The following PLCL2 variants were observed in gnomAD, a reference collection of about 807,000 sequenced individuals.
The protein encoded by PLCL2 is inactive phospholipase C-like protein 2.
PLCL2 carries 4 observed loss-of-function variants against 79.6 expected under a neutral mutation model. The ratio of observed to expected loss-of-function variants is 0.05; its 90% CI spans 0.02 to 0.11. The LOEUF (loss-of-function observed/expected upper bound fraction) is 0.11. Ranked by LOEUF, PLCL2 falls within the 10% of genes least tolerant of loss-of-function variation. The pLI is 1.00. For missense variants in PLCL2, 895 were observed against 1,291.0 expected (o/e 0.69, Z 4.70); for synonymous variants, 484 against 457.7 (o/e 1.06, Z -0.73).
chr3:16,908,882 A>G (rs528828164), intron 1 of PLCL2, among the ~76,000 whole-genome samples: 1 of 152,340 alleles, frequency 6.6e-6, no homozygotes, highest in Admixed American at 6.5e-5. Context: ...ATCAACATAC[A>G]TTTATTTTCT....
chr3:16,916,214 T>C (rs1443209285), intron 1 of PLCL2, among the ~76,000 whole-genome samples: 1 of 152,206 alleles, frequency 6.6e-6, no homozygotes, highest in African/African-American at 2.4e-5. Flanking sequence ...ATGTGAAATA[T>C]AAGACTATTC....
chr3:16,987,781 T>C (rs77889456), intron 1 of PLCL2, among the ~76,000 whole-genome samples: 6,425 of 152,308 alleles, frequency 0.042, 214 homozygotes, highest in Middle Eastern at 0.085. Flanking sequence ...TCTCAAAGTT[T>C]AAATGTTTGA....
chr3:17,010,194 A>G lies in PLCL2; in HGVS notation c.848A>G (p.Asn283Ser). ...SQMFSEIDVD[N>S]LGHITLCNAV... ...ATGTTTAGTGAAATTGATGTAGATA[A>G]CCTTGGACATATAACTCTGTGTAAT... The change falls in exon 2 of 6, where the codon AAC becomes AGC. Residue 283 changes from asparagine (N) to serine (S), a missense_variant. Transcript: ENST00000615277. The surrounding 1 kb of genome is among the most constrained non-coding windows in gnomAD (Gnocchi z 5.8). The G allele has an allele frequency of 6.2e-7, 1 of 1,614,082 alleles. No homozygotes were observed. The highest frequency in any genetic ancestry group is 1.7e-5 in the Admixed American group (1 of 60,018).
At chr3:16,932,661 T>C (rs1375557154) in intron 1 of PLCL2, among the ~76,000 whole-genome samples, 2 of 152,222 alleles carry the variant, frequency 1.3e-5, no homozygotes, top group East Asian at 1.9e-4. Context: ...TGCTGGTAGA[T>C]AATGCACGGT....
At position 17,081,402 on chromosome 3, in the gene PLCL2, G is replaced by T. The variant is rs765338327; in HGVS notation, c.3205-8331G>T. On this transcript the variant is annotated intron_variant, in intron 5 of 5. Coordinates refer to ENST00000615277, the MANE Select transcript of PLCL2 (RefSeq NM_001144382.2). ...GAGGGCAGGGGAAGTCTTAGCTGCC[G>T]CACTGGATCCCTCACCTCAGAAGTA... is the stretch of plus-strand genomic sequence containing the variant. The T allele has an allele frequency of 8.5e-6, 3 of 352,612 alleles. No homozygotes were observed. In the Admixed American group the frequency reaches 1.1e-4, roughly 13 times the overall value. The allele number at this position is 352,612 out of a possible 1,614,324, so 21.8% of individuals were successfully genotyped here. A position where few individuals can be genotyped will look rare whatever the true frequency, so the allele number is the denominator to read the frequency against.
chr3:16,991,229 C>T (rs1313415226), intron 1 of PLCL2, among the ~76,000 whole-genome samples: 1 of 152,154 alleles, frequency 6.6e-6, no homozygotes, highest in African/African-American at 2.4e-5. Context: ...AACTGACCTG[C>T]CTGGGTACTA....
Position 17,014,893 on chromosome 3 carries a change from C to T in PLCL2, c.3000C>T (p.Ile1000=), listed in dbSNP as rs745916433. ...QGIVPEVLKK[I]VTTYDMMIQS... is the part of the protein sequence containing the mutation. The stretch of plus-strand genomic sequence containing the variant: ...TTGTGCCGGAGGTTCTGAAGAAGAT[C>T]GTAACAACTTATGACATGGTGAGTT... The change falls in exon 3 of 6, where the codon ATC becomes ATT. Residue 1000 remains isoleucine, a synonymous_variant. Coordinates refer to ENST00000615277, the MANE Select transcript of PLCL2 (RefSeq NM_001144382.2). 11 of 1,613,640 alleles carry T rather than the reference C, an allele frequency of 6.8e-6. No individual in the cohort carries two copies. Among genetic ancestry groups the T allele is most frequent in the African/African-American group, 1.3e-5 (1 of 74,890 alleles).
chr3:16,944,844 C>T (rs1488360731), intron 1 of PLCL2, among the ~76,000 whole-genome samples: 1 of 151,802 alleles, frequency 6.6e-6, no homozygotes, highest in Non-Finnish European at 1.5e-5. Context: ...ACTGGAACCT[C>T]CACCTCCTGG....
intron 1 of PLCL2, among the ~76,000 whole-genome samples, chr3:16,954,214 G>A (rs1342860607): frequency 6.6e-6 from 1 of 151,952 alleles, no homozygotes; most frequent in Non-Finnish European, 1.5e-5. Context: ...GTGTGATGTT[G>A]CCCTTCCTGT....
intron 1 of PLCL2, among the ~76,000 whole-genome samples, chr3:16,998,803 G>A (rs59161764): frequency 0.017 from 2,559 of 152,268 alleles, 84 homozygotes; most frequent in African/African-American, 0.058. Flanking sequence ...AGATACCCTT[G>A]TTTTAAAGGC....
At chr3:16,963,585 T>A (rs955534337) in intron 1 of PLCL2, among the ~76,000 whole-genome samples, 4 of 152,208 alleles carry the variant, frequency 2.6e-5, no homozygotes, top group Admixed American at 1.3e-4. Context: ...CATTTTCTCA[T>A]CCTTGTGACT....
chr3:16,993,919 A>G (rs2064128048), intron 1 of PLCL2, among the ~76,000 whole-genome samples: 2 of 152,180 alleles, frequency 1.3e-5, no homozygotes, highest in Admixed American at 6.5e-5. Flanking sequence ...ATATTATTTA[A>G]AACATGAGCT....
intron 1 of PLCL2, among the ~76,000 whole-genome samples, chr3:16,950,672 T>C (rs2063642992): frequency 6.6e-6 from 1 of 152,136 alleles, no homozygotes; most frequent in African/African-American, 2.4e-5. Context: ...ACTATTGGCT[T>C]CTCGTAGATT....
chr3:17,013,787 A>G (rs2064354386), intron 2 of PLCL2, among the ~76,000 whole-genome samples: 2 of 152,128 alleles, frequency 1.3e-5, no homozygotes, highest in South Asian at 2.1e-4. Flanking sequence ...TCTTATTATG[A>G]TTATAATTGG....
At chr3:16,911,583 C>T (rs1054752899) in intron 1 of PLCL2, among the ~76,000 whole-genome samples, 2 of 152,110 alleles carry the variant, frequency 1.3e-5, no homozygotes, top group African/African-American at 4.8e-5. Flanking sequence ...CCTCCTTTCC[C>T]AATTAGCTAA....
At chr3:16,979,608 A>G (rs947074736) in intron 1 of PLCL2, among the ~76,000 whole-genome samples, 6 of 131,756 alleles carry the variant, frequency 4.6e-5, no homozygotes, top group Admixed American at 4.5e-4. Context: ...AATCCATTCA[A>G]CCCTGAGTGG....
At chr3:16,952,190 A>G (rs2063659937) in intron 1 of PLCL2, among the ~76,000 whole-genome samples, 1 of 151,860 alleles carries the variant, frequency 6.6e-6, no homozygotes, top group South Asian at 2.1e-4. Flanking sequence ...GGGGTGGGAG[A>G]CAAGGGGAGG....
chr3:16,980,718 G>C (rs961153750), intron 1 of PLCL2, among the ~76,000 whole-genome samples: 1 of 151,972 alleles, frequency 6.6e-6, no homozygotes, highest in African/African-American at 2.4e-5. Flanking sequence ...GACGCCCCTC[G>C]CTTCCCAGAC....
At chr3:17,022,118 C>A (rs2064461910) in intron 3 of PLCL2, among the ~76,000 whole-genome samples, 1 of 152,018 alleles carries the variant, frequency 6.6e-6, no homozygotes, top group Non-Finnish European at 1.5e-5. Context: ...GGGGCAAAGG[C>A]AGATTGCTAA....
Sources: gnomAD v4.1 joint callset for allele counts (sites outside exome capture counted in the v4.1 genomes callset) on GRCh38, gnomAD v4.1.1 for gene constraint, Gnocchi (gnomAD v3.1) non-coding constraint, MANE v1.5 for transcripts, NCBI Gene and HGNC (gene_info 2026-07-23, HGNC 2026-07-21) for gene names.